Variants in CNTN4 observed in about 807,000 individuals in gnomAD.
CNTN4 encodes contactin 4.
In CNTN4, 77 loss-of-function variants were observed where a neutral mutation model predicts 122.5. The observed-to-expected ratio is 0.63, with a 90% CI of 0.52 to 0.76. The LOEUF (loss-of-function observed/expected upper bound fraction) is 0.76. CNTN4 is among the 30% of genes least tolerant of loss of function. CNTN4 has a pLI of 0.00. For synonymous variants in CNTN4, 512 were observed against 447.0 expected, an observed-to-expected ratio of 1.15 and a Z score of -1.83; for missense variants, 1,256 against 1,259.1, an observed-to-expected ratio of 1.00 and a Z score of 0.04.
chr3:2,183,866 A>G (rs2037131548), intron 2 of CNTN4, among the ~76,000 whole-genome samples: 1 of 152,222 alleles, frequency 6.6e-6, no homozygotes. Context: ...CTCTCCTATT[A>G]GAAGAAACAA....
chr3:2,651,895 T>C (rs2083379253), intron 4 of CNTN4, among the ~76,000 whole-genome samples: 1 of 151,714 alleles, frequency 6.6e-6, no homozygotes, highest in African/African-American at 2.4e-5. Context: ...TTAGTAAAGA[T>C]GGGGTTTCAC....
At chr3:2,281,647 A>C (rs1410085471) in intron 2 of CNTN4, among the ~76,000 whole-genome samples, 1 of 152,094 alleles carries the variant, frequency 6.6e-6, no homozygotes, top group Non-Finnish European at 1.5e-5. Flanking sequence ...ACAACCTTCT[A>C]TAGTAGTATT....
chr3:2,193,580 G>A (rs1424323995), intron 2 of CNTN4, among the ~76,000 whole-genome samples: 1 of 152,088 alleles, frequency 6.6e-6, no homozygotes, highest in Non-Finnish European at 1.5e-5. Context: ...CATATTACTG[G>A]GTGAATTAAC....
chr3:2,689,707 C>G (rs185999051), intron 4 of CNTN4, among the ~76,000 whole-genome samples: 1 of 152,136 alleles, frequency 6.6e-6, no homozygotes, highest in South Asian at 2.1e-4. Context: ...AGCAGTAGAG[C>G]AGCTGATATA....
At chr3:2,376,742 C>G (rs1180220510) in intron 3 of CNTN4, among the ~76,000 whole-genome samples, 3 of 151,384 alleles carry the variant, frequency 2.0e-5, no homozygotes, top group Non-Finnish European at 4.4e-5. Flanking sequence ...GCTATTTCCA[C>G]TTTTGATATT....
intron 2 of CNTN4, among the ~76,000 whole-genome samples, chr3:2,301,181 C>T (rs2042504394): frequency 6.6e-6 from 1 of 152,158 alleles, no homozygotes; most frequent in Non-Finnish European, 1.5e-5. Flanking sequence ...CACAGATGCA[C>T]TGTTAGTATC....
intron 5 of CNTN4, among the ~76,000 whole-genome samples, chr3:2,738,808 A>G (rs914011645): frequency 1.3e-5 from 2 of 152,156 alleles, no homozygotes; most frequent in African/African-American, 4.8e-5. Context: ...ATACTTTTAA[A>G]AGCAGATGGG....
chr3:2,965,881 A>T (rs1253614409), intron 13 of CNTN4, among the ~76,000 whole-genome samples: 2 of 152,168 alleles, frequency 1.3e-5, no homozygotes, highest in African/African-American at 2.4e-5. Flanking sequence ...GTTCATCTCC[A>T]TGAAAAATTA....
At chr3:2,766,062 C>T (rs956319251) in intron 6 of CNTN4, among the ~76,000 whole-genome samples, 36 of 152,116 alleles carry the variant, frequency 2.4e-4, no homozygotes, top group African/African-American at 8.5e-4. Context: ...TCCCTCATCA[C>T]CACTCTTTCC....
chr3:2,298,153 T>A (rs772189843), intron 2 of CNTN4, among the ~76,000 whole-genome samples: 9 of 152,228 alleles, frequency 5.9e-5, no homozygotes, highest in Non-Finnish European at 1.2e-4. Context: ...TAATTAAGAA[T>A]GTAATTAGTA....
At chr3:2,964,537 A>G (rs1486364689) in intron 13 of CNTN4, among the ~76,000 whole-genome samples, 1 of 152,168 alleles carries the variant, frequency 6.6e-6, no homozygotes, top group Non-Finnish European at 1.5e-5. Flanking sequence ...GAACCTTAAT[A>G]AAATGCAGAA....
intron 4 of CNTN4, among the ~76,000 whole-genome samples, chr3:2,602,322 A>C (rs971692924): frequency 6.6e-6 from 1 of 152,204 alleles, no homozygotes; most frequent in South Asian, 2.1e-4. Context: ...TGCAGATGAC[A>C]TGATTGTATA....
chr3:2,208,981 C>G (rs2038486365), intron 2 of CNTN4, among the ~76,000 whole-genome samples: 1 of 152,122 alleles, frequency 6.6e-6, no homozygotes, highest in Non-Finnish European at 1.5e-5. Context: ...AAACCAAAAA[C>G]TTTGTGTGCC....
chr3:2,719,074 T>C (rs1300415198), intron 4 of CNTN4, among the ~76,000 whole-genome samples: 1 of 152,204 alleles, frequency 6.6e-6, no homozygotes, highest in Non-Finnish European at 1.5e-5. Flanking sequence ...TTTTAAAAAT[T>C]CAGTTACTAA....
chr3:2,499,329 C>T lies in CNTN4; in HGVS notation c.-88-72087C>T, dbSNP rs373429904. ...TATTATATTGCTTTTGTACCTTTCTCAAAAATTAGTTTGACTACTAATGGA... is the reference window on the plus strand; with the variant it reads ...TATTATATTGCTTTTGTACCTTTCTTAAAAATTAGTTTGACTACTAATGGA... On this transcript the variant is annotated intron_variant, in intron 3 of 24. Coordinates refer to ENST00000418658, the MANE Select transcript of CNTN4 (RefSeq NM_175607.3). 1.1e-4 allele frequency among the ~76,000 whole-genome samples: 16 copies of T among 152,228 alleles called. No individual in the cohort carries two copies. The South Asian group carries it at 3.3e-3, about 32-fold the overall frequency.
At chr3:2,631,734 A>G (rs1413740896) in intron 4 of CNTN4, among the ~76,000 whole-genome samples, 2 of 151,950 alleles carry the variant, frequency 1.3e-5, no homozygotes, top group Non-Finnish European at 2.9e-5. Flanking sequence ...ATGCAGTATT[A>G]AAAATCATTT....
chr3:2,980,659 A>G (rs974518930), intron 13 of CNTN4, among the ~76,000 whole-genome samples: 1 of 152,234 alleles, frequency 6.6e-6, no homozygotes, highest in African/African-American at 2.4e-5. Flanking sequence ...ACACGGGCAC[A>G]CACAAGGAGT....
At chr3:2,269,539 G>A (rs951150878) in intron 2 of CNTN4, among the ~76,000 whole-genome samples, 2 of 152,156 alleles carry the variant, frequency 1.3e-5, no homozygotes, top group South Asian at 4.1e-4. Context: ...CATTTCGGTG[G>A]CTGTAAATAC....
intron 3 of CNTN4, among the ~76,000 whole-genome samples, chr3:2,481,359 T>C (rs184457241): frequency 6.6e-4 from 101 of 152,164 alleles, no homozygotes; most frequent in African/African-American, 2.3e-3. Flanking sequence ...CAGACTGATC[T>C]CAAACTTCTG....
Sources: allele counts gnomAD v4.1 joint callset (sites outside exome capture counted in the v4.1 genomes callset), GRCh38; gene constraint gnomAD v4.1.1; transcripts MANE v1.5; gene names NCBI Gene and HGNC (gene_info 2026-07-23, HGNC 2026-07-21).